The following UTS2 variants were observed in gnomAD, a reference collection of about 807,000 sequenced individuals.
UTS2 encodes urotensin-2.
UTS2 carries 10 observed loss-of-function variants against 12.6 expected under a neutral mutation model. The observed-to-expected ratio is 0.80, with a 90% CI of 0.49 to 1.35. The LOEUF is 1.35. UTS2 is among the 40% of genes most tolerant of loss of function. UTS2 has a pLI of 0.00. For missense variants in UTS2, 142 were observed against 143.2 expected, an observed-to-expected ratio of 0.99 and a Z score of 0.04; for synonymous variants, 52 against 50.0, an observed-to-expected ratio of 1.04 and a Z score of -0.17.
the UTS2 span, among the ~76,000 whole-genome samples, chr1:7,901,039 A>T: frequency 6.6e-6 from 1 of 152,222 alleles, no homozygotes; most frequent in East Asian, 1.9e-4. Context: ...TAATCATTTT[A>T]TGACTATCCA....
At chr1:7,893,039 C>T in the UTS2 span, among the ~76,000 whole-genome samples, 4 of 152,282 alleles carry the variant, frequency 2.6e-5, no homozygotes, top group South Asian at 8.3e-4. Flanking sequence ...CTTTCTTTAT[C>T]TTCATGCTCC....
At chr1:7,863,036 TTGTATTG>T in the UTS2 span, among the ~76,000 whole-genome samples, 937 of 32,870 alleles carry the variant, frequency 0.029, 35 homozygotes, top group South Asian at 0.05. Flanking sequence ...TTGTATTGTA[TTGTATTG>T]TATTGTATTG....
At chr1:7,876,071 G>A in the UTS2 span, among the ~76,000 whole-genome samples, 2 of 152,190 alleles carry the variant, frequency 1.3e-5, no homozygotes, top group Non-Finnish European at 2.9e-5. Flanking sequence ...GCCTGGCATA[G>A]CCATCAGTGC....
the UTS2 span, among the ~76,000 whole-genome samples, chr1:7,892,677 G>A: frequency 6.6e-6 from 1 of 151,452 alleles, no homozygotes; most frequent in East Asian, 1.9e-4. Context: ...CGGGGAGGCG[G>A]GATATTGCCA....
At chr1:7,912,976 C>A in the UTS2 span, among the ~76,000 whole-genome samples, 8 of 143,280 alleles carry the variant, frequency 5.6e-5, no homozygotes, top group African/African-American at 7.8e-5. Context: ...CTTTAAAATG[C>A]AAGTATAGCT....
At chr1:7,892,469 G>GTTTT in the UTS2 span, among the ~76,000 whole-genome samples, 174 of 77,770 alleles carry the variant, frequency 2.2e-3, 8 homozygotes, top group South Asian at 2.9e-3. Flanking sequence ...CCTCATGCAT[G>GTTTT]TTTTTTTTTT....
At chr1:7,893,732 G>A in the UTS2 span, among the ~76,000 whole-genome samples, 1 of 151,988 alleles carries the variant, frequency 6.6e-6, no homozygotes, top group Non-Finnish European at 1.5e-5. Flanking sequence ...GCTGGAAGTG[G>A]GTGCACCTAA....
upstream of UTS2, among the ~76,000 whole-genome samples, chr1:7,856,695 C>G (rs957998494): frequency 2.3e-4 from 19 of 81,098 alleles, no homozygotes; most frequent in African/African-American, 8.9e-4. Flanking sequence ...AGATATTTCT[C>G]AGCACCCCCA....
At chr1:7,855,737 T>C (rs1345114062), upstream of UTS2, among the ~76,000 whole-genome samples, 3 of 151,702 alleles carry the variant, frequency 2.0e-5, no homozygotes, top group African/African-American at 7.3e-5. Context: ...GATCTCACTC[T>C]GTCACCCAGG....
the UTS2 span, among the ~76,000 whole-genome samples, chr1:7,889,442 C>CAAAAA: frequency 2.9e-3 from 243 of 84,602 alleles, no homozygotes; most frequent in Middle Eastern, 7.6e-3. Flanking sequence ...ATCTTATCAC[C>CAAAAA]AAAAAAAAAA....
upstream of UTS2, chr1:7,853,376 T>G: frequency 1.2e-6 from 2 of 1,614,112 alleles, no homozygotes; most frequent in Non-Finnish European, 1.7e-6. Flanking sequence ...AGACGTGGAT[T>G]TATGAGTCCG....
chr1:7,858,545 G>T, the UTS2 span, among the ~76,000 whole-genome samples: 5 of 152,106 alleles, frequency 3.3e-5, no homozygotes, highest in Admixed American at 2.6e-4. Flanking sequence ...CTGATGACAC[G>T]TTTGTCGTTG....
chr1:7,907,211 G>C, the UTS2 span, among the ~76,000 whole-genome samples: 1 of 152,042 alleles, frequency 6.6e-6, no homozygotes, highest in African/African-American at 2.4e-5. Flanking sequence ...AGCTGAGATC[G>C]TGTCACTGCA....
upstream of UTS2, among the ~76,000 whole-genome samples, chr1:7,854,021 G>A (rs979912514): frequency 6.6e-6 from 1 of 152,136 alleles, no homozygotes; most frequent in Non-Finnish European, 1.5e-5. Flanking sequence ...CTTGAGTTTA[G>A]GATTTCAAGA....
the UTS2 span, among the ~76,000 whole-genome samples, chr1:7,896,952 C>A: frequency 6.6e-6 from 1 of 152,068 alleles, no homozygotes; most frequent in Non-Finnish European, 1.5e-5. Flanking sequence ...CCCACCTTGG[C>A]CTCCCAAATT....
At chr1:7,889,818 G>C in the UTS2 span, among the ~76,000 whole-genome samples, 3 of 152,270 alleles carry the variant, frequency 2.0e-5, no homozygotes, top group Non-Finnish European at 2.9e-5. Context: ...TGTAATCACA[G>C]CACTTTGGGA....
chr1:7,878,492 A>AT, the UTS2 span, among the ~76,000 whole-genome samples: 2 of 152,230 alleles, frequency 1.3e-5, no homozygotes, highest in African/African-American at 4.8e-5. Context: ...AATTTCTATT[A>AT]TTTTTTAACA....
the UTS2 span, among the ~76,000 whole-genome samples, chr1:7,899,850 A>G: frequency 6.6e-6 from 1 of 152,170 alleles, no homozygotes; most frequent in Non-Finnish European, 1.5e-5. Context: ...GTTGTGGTCA[A>G]TGTGTTGGTC....
At chr1:7,849,511 A>C (rs2097411682) in intron 3 of UTS2, 129 bp downstream of exon 3, 3 of 838,832 alleles carry the variant, frequency 3.6e-6, no homozygotes, top group Non-Finnish European at 3.6e-6. Context: ...GCGCCTGGTC[A>C]TGCTGGCCAA....
Sources: gnomAD v4.1 joint callset for allele counts (sites outside exome capture counted in the v4.1 genomes callset) on GRCh38, gnomAD v4.1.1 for gene constraint, MANE v1.5 for transcripts, NCBI Gene and HGNC (gene_info 2026-07-23, HGNC 2026-07-21) for gene names.